Variants in FRMPD1 observed in about 807,000 individuals in gnomAD.
FRMPD1 encodes the protein FERM and PDZ domain containing 1.
Under a neutral mutation model 117.8 loss-of-function variants are expected in FRMPD1, and 76 were observed. The ratio of observed to expected loss-of-function variants is 0.65; its 90% CI spans 0.54 to 0.78. The LOEUF (loss-of-function observed/expected upper bound fraction) is 0.78, where lower values mean the gene tolerates loss of function less well. Ranked by LOEUF, FRMPD1 falls within the 30% of genes least tolerant of loss-of-function variation. The probability of loss-of-function intolerance (pLI) is 0.00; values close to 1 mark genes in which losing one functional copy is unlikely to be tolerated. For synonymous variants in FRMPD1, 783 were observed against 770.4 expected, an observed-to-expected ratio of 1.02 and a Z score of -0.27; for missense variants, 1,786 against 1,964.5, an observed-to-expected ratio of 0.91 and a Z score of 1.72.
chr9:37,657,960 CA>C (rs1236972544), intron 1 of FRMPD1, among the ~76,000 whole-genome samples: 1 of 151,930 alleles, frequency 6.6e-6, no homozygotes, highest in Non-Finnish European at 1.5e-5. Flanking sequence ...TATTCCAAGC[CA>C]AAAATCTTCC....
At chr9:37,683,286 T>A (rs1250921451) in intron 1 of FRMPD1, among the ~76,000 whole-genome samples, 1 of 152,226 alleles carries the variant, frequency 6.6e-6, no homozygotes, top group Non-Finnish European at 1.5e-5. Context: ...ACACACAAAT[T>A]TGGTCACACA....
At chr9:37,697,199 C>A (rs1000670631) in intron 2 of FRMPD1, among the ~76,000 whole-genome samples, 1 of 152,108 alleles carries the variant, frequency 6.6e-6, no homozygotes, top group Non-Finnish European at 1.5e-5. Flanking sequence ...CCTATAGTTA[C>A]AGGAATGGGA....
chr9:37,689,377 C>T (rs1822055577), intron 1 of FRMPD1, among the ~76,000 whole-genome samples: 1 of 151,662 alleles, frequency 6.6e-6, no homozygotes, highest in South Asian at 2.1e-4. Flanking sequence ...TTCATAATTC[C>T]CTCTGTTTTT....
upstream of FRMPD1, among the ~76,000 whole-genome samples, chr9:37,646,194 G>GACCTTGAA (rs1435645121): frequency 6.6e-6 from 1 of 152,138 alleles, no homozygotes; most frequent in Non-Finnish European, 1.5e-5. Context: ...TTCTGCATAA[G>GACCTTGAA]ACCTTGAATA....
At chr9:37,627,463 TA>T in the FRMPD1 span, among the ~76,000 whole-genome samples, 1 of 152,206 alleles carries the variant, frequency 6.6e-6, no homozygotes, top group Non-Finnish European at 1.5e-5. Flanking sequence ...GAGATTATTT[TA>T]TTATTTTACT....
At chr9:37,664,495 G>A (rs117366691) in intron 1 of FRMPD1, among the ~76,000 whole-genome samples, 4,954 of 150,480 alleles carry the variant, frequency 0.033, 132 homozygotes, top group Middle Eastern at 0.068. Context: ...GACAGGCCCC[G>A]GTGTGTGTTG....
chr9:37,682,440 C>T (rs1821761828), intron 1 of FRMPD1, among the ~76,000 whole-genome samples: 1 of 152,136 alleles, frequency 6.6e-6, no homozygotes, highest in Non-Finnish European at 1.5e-5. Flanking sequence ...ACTTAAGTGA[C>T]AAGATAATAC....
intron 1 of FRMPD1, among the ~76,000 whole-genome samples, chr9:37,665,900 A>G (rs1821144885): frequency 6.6e-6 from 1 of 152,178 alleles, no homozygotes. Flanking sequence ...AGGTTTATTT[A>G]GGGGTCAATC....
At chr9:37,736,957 A>G in intron 13 of FRMPD1, 139 bp from the exon 14 acceptor site, 1 of 666,768 alleles carries the variant, frequency 1.5e-6, no homozygotes, top group Admixed American at 2.5e-5. Context: ...AAGTGAGGAT[A>G]TGGGGCACCA....
At position 37,734,951 on chromosome 9, in the gene FRMPD1, T is replaced by G. The variant is rs562780171; in HGVS notation, c.1219-601T>G. ...CTTTCTTGTCTAAGGAAAGAACTGG[T>G]AGTGGGAGAAGCAACCAGCTACATG... is the stretch of plus-strand genomic sequence containing the variant. On this transcript the variant is annotated intron_variant, in intron 12 of 15. Coordinates refer to ENST00000377765, the MANE Select transcript of FRMPD1 (RefSeq NM_014907.3). Among the ~76,000 whole-genome samples, 20 of 152,314 alleles carry G rather than the reference T, an allele frequency of 1.3e-4. No homozygotes were observed. The South Asian group carries it at 3.9e-3, about 30-fold the overall frequency.
chr9:37,692,326 TA>T (rs1032616644), intron 1 of FRMPD1, among the ~76,000 whole-genome samples: 1 of 152,122 alleles, frequency 6.6e-6, no homozygotes, highest in Non-Finnish European at 1.5e-5. Flanking sequence ...TGTCACATGG[TA>T]AGGTGTATCT....
intron 6 of FRMPD1, among the ~76,000 whole-genome samples, chr9:37,721,203 G>A (rs1310661752): frequency 6.7e-6 from 1 of 149,076 alleles, no homozygotes; most frequent in Non-Finnish European, 1.5e-5. Context: ...GGGGCACCTC[G>A]GGGAATCTTT....
intron 1 of FRMPD1, among the ~76,000 whole-genome samples, chr9:37,655,089 G>A (rs959242122): frequency 4.2e-4 from 64 of 152,270 alleles, no homozygotes; most frequent in African/African-American, 1.5e-3. Flanking sequence ...GGCTGTGCCC[G>A]CTTGCTGCGG....
the FRMPD1 span, among the ~76,000 whole-genome samples, chr9:37,618,696 G>A: frequency 2.7e-3 from 404 of 152,158 alleles, 4 homozygotes; most frequent in African/African-American, 9.4e-3. Flanking sequence ...AGCCTCATTG[G>A]TTTACTGCAG....
upstream of FRMPD1, among the ~76,000 whole-genome samples, chr9:37,645,958 G>A (rs1393891615): frequency 6.6e-6 from 1 of 152,166 alleles, no homozygotes; most frequent in African/African-American, 2.4e-5. Flanking sequence ...TCTTATAGAG[G>A]AGTAAAGTGT....
At chr9:37,647,172 C>T (rs981776667), upstream of FRMPD1, among the ~76,000 whole-genome samples, 2 of 151,994 alleles carry the variant, frequency 1.3e-5, no homozygotes, top group African/African-American at 2.4e-5. Flanking sequence ...TTGATGCTAT[C>T]CTCTCACCAA....
At chr9:37,644,261 G>C in the FRMPD1 span, among the ~76,000 whole-genome samples, 1 of 149,028 alleles carries the variant, frequency 6.7e-6, no homozygotes, top group Non-Finnish European at 1.5e-5. Flanking sequence ...CTGTTGAGAG[G>C]TCCTGCTTAG....
At chr9:37,623,900 C>T in the FRMPD1 span, among the ~76,000 whole-genome samples, 18 of 152,130 alleles carry the variant, frequency 1.2e-4, no homozygotes, top group African/African-American at 4.3e-4. Flanking sequence ...GAATTTATGA[C>T]TGTGGACATT....
the FRMPD1 span, among the ~76,000 whole-genome samples, chr9:37,605,585 C>G: frequency 0.023 from 3,440 of 152,266 alleles, 126 homozygotes; most frequent in African/African-American, 0.077. Context: ...AGAAAGGCCA[C>G]CTATCTGATA....
Sources: gnomAD v4.1 joint callset for allele counts (sites outside exome capture counted in the v4.1 genomes callset) on GRCh38, gnomAD v4.1.1 for gene constraint, MANE v1.5 for transcripts, NCBI Gene and HGNC (gene_info 2026-07-23, HGNC 2026-07-21) for gene names.